Variants in PRR14 observed in about 807,000 individuals in gnomAD.
PRR14 encodes proline-rich protein 14.
Under a neutral mutation model 57.2 loss-of-function variants are expected in PRR14, and 33 were observed. The observed-to-expected ratio is 0.58, with a 90% CI of 0.44 to 0.77. The LOEUF is 0.77. Ranked by LOEUF, PRR14 falls within the 30% of genes least tolerant of loss-of-function variation. The pLI is 0.00. For missense variants in PRR14, 716 were observed against 788.1 expected, an observed-to-expected ratio of 0.91 and a Z score of 1.10; for synonymous variants, 303 against 314.7, an observed-to-expected ratio of 0.96 and a Z score of 0.39.
In PRR14 at chr16:30,656,363, A is replaced by T. The variant is rs138171553; in HGVS notation, c.*52A>T. On this transcript the variant is annotated 3_prime_UTR_variant, in exon 12 of 12. Coordinates refer to ENST00000300835, the MANE Select transcript of PRR14 (RefSeq NM_024031.5). ...TGAAGGGACAGGAAACCTCCCAGGCAGTTATTTTTTTTTCTCTATATTTCT... is the reference window on the plus strand; with the variant it reads ...TGAAGGGACAGGAAACCTCCCAGGCTGTTATTTTTTTTTCTCTATATTTCT... The T allele has an allele frequency of 1.5e-4, 226 of 1,514,126 alleles. 2 individuals are homozygous for T. The East Asian group carries it at 5.1e-3, about 34-fold the overall frequency. The allele number at this position is 1,514,126 out of a possible 1,614,324, so 93.8% of individuals were successfully genotyped here.
At position 30,655,538 on chromosome 16, in the gene PRR14, A is replaced by C; in HGVS notation, c.1351A>C (p.Thr451Pro). Residue 451 changes from threonine to proline, a missense_variant, in exon 10 of 12, where the codon ACA (threonine) becomes CCA (proline). Physicochemically the swap from Thr to Pro is conservative, Grantham distance 38. Coordinates refer to ENST00000300835, the MANE Select transcript of PRR14 (RefSeq NM_024031.5). This position sits in a 1 kb window ranked among gnomAD's most constrained non-coding sequence, Gnocchi z 4.6. The stretch of plus-strand genomic sequence containing the variant: ...GGTTTCTCGATTCAGAATACGCAGA[A>C]CACCAGCCCGTCCTCAGCTAAACCT... ...GKVSRFRIRR[T>P]PARPQLNLTP... 1 of 1,614,228 alleles carries C rather than the reference A, an allele frequency of 6.2e-7. No homozygotes were observed. Among genetic ancestry groups the C allele is most frequent in the Non-Finnish European group, 8.5e-7 (1 of 1,180,038 alleles).
intron 3 of PRR14, 150 bp downstream of exon 3, chr16:30,652,114 C>T (rs1184188704): frequency 1.1e-6 from 1 of 887,426 alleles, no homozygotes; most frequent in African/African-American, 1.7e-5. Context: ...TAGAGTCCTG[C>T]TTGGCTCCCA....
In PRR14 at chr16:30,656,392, A is replaced by G; in HGVS notation, c.*81A>G. 7.6e-7 allele frequency: 1 copy of G among 1,321,872 alleles called. No homozygotes were observed. Among genetic ancestry groups the G allele is most frequent in the African/African-American group, 1.5e-5 (1 of 67,334 alleles). The allele number at this position is 1,321,872 out of a possible 1,614,324, so 81.9% of individuals were successfully genotyped here. ...ATTTTTTTTTCTCTATATTTCTAGTAAAGTTTTCGATATGTTTCTGATTCT... is the reference window on the plus strand; with the variant it reads ...ATTTTTTTTTCTCTATATTTCTAGTGAAGTTTTCGATATGTTTCTGATTCT... On this transcript the variant is annotated 3_prime_UTR_variant, in exon 12 of 12. Transcript: ENST00000300835.
chr16:30,651,734 C>T lies in PRR14; in HGVS notation c.24-62C>T, dbSNP rs761468587. ...GAGATGGGGATCCTGGCGACCGTGC[C>T]GGGAAACTACAGAGCCAGCGACAGG... On this transcript the variant is annotated intron_variant, in intron 2 of 11. Transcript: ENST00000300835. The surrounding 1 kb of genome is among the most constrained non-coding windows in gnomAD (Gnocchi z 5.0). The T allele has an allele frequency of 5.6e-6, 9 of 1,611,628 alleles. No homozygotes were observed. Among genetic ancestry groups the T allele is most frequent in the Non-Finnish European group, 6.8e-6 (8 of 1,179,652 alleles).
chr16:30,650,860 G>A (rs564801348), upstream of PRR14: 12 of 357,368 alleles, frequency 3.4e-5, no homozygotes, highest in South Asian at 2.3e-4. Context: ...GCGGGAGTGG[G>A]GGCGGGGAAG....
rs1257553998 is a variant in PRR14, at chr16:30,655,388, A to G, written c.1282A>G (p.Lys428Glu). 1.6e-5 allele frequency: 26 copies of G among 1,613,962 alleles called. No homozygotes were observed. The highest frequency in any genetic ancestry group is 2.1e-5 in the Non-Finnish European group (25 of 1,180,042). ...STKGKEPRAS[K>E]DQVLSEPETK... is the part of the protein sequence containing the mutation. ...CAAAGGGAAGGAGCCAAGAGCCTCA[A>G]AGGACCAGGTGCTTTCAGAACCTGA... The change falls in exon 9 of 12, where the codon AAG (lysine) becomes GAG (glutamate). Residue 428 changes from lysine (K) to glutamate (E), a missense_variant. Physicochemically the swap from Lys to Glu is moderately conservative, Grantham distance 56. Coordinates refer to ENST00000300835, the MANE Select transcript of PRR14 (RefSeq NM_024031.5). The surrounding 1 kb of genome is among the most constrained non-coding windows in gnomAD (Gnocchi z 4.6).
chr16:30,651,593 CA>C lies in PRR14; in HGVS notation c.-50-2del. ...CCGCTCCCCCGCTCCCCCCTTACCC[CA>C]GGCCGCAGCCTGGGATTCCCCAGGG... On this transcript the variant is annotated splice_acceptor_variant, in intron 1 of 11. Transcript: ENST00000300835. LOFTEE classifies it low-confidence loss of function (5UTR_SPLICE). This position sits in a 1 kb window ranked among gnomAD's most constrained non-coding sequence, Gnocchi z 5.0. 1 of 1,452,774 alleles carries C rather than the reference CA, an allele frequency of 6.9e-7. No individual in the cohort carries two copies. Among genetic ancestry groups the C allele is most frequent in the Non-Finnish European group, 9.3e-7 (1 of 1,077,160 alleles). The allele number at this position is 1,452,774 out of a possible 1,614,324, so 90.0% of individuals were successfully genotyped here.
At position 30,656,401 on chromosome 16, in the gene PRR14, G is replaced by A. The variant is rs1371127925; in HGVS notation, c.*90G>A. On this transcript the variant is annotated 3_prime_UTR_variant, in exon 12 of 12. Transcript: ENST00000300835. ...TCTCTATATTTCTAGTAAAGTTTTC[G>A]ATATGTTTCTGATTCTTTTGTATCT... The A allele has an allele frequency of 8.8e-6, 11 of 1,254,172 alleles. No homozygotes were observed. Among genetic ancestry groups the A allele is most frequent in the South Asian group, 6.0e-5 (4 of 66,410 alleles). 77.7% of individuals were successfully genotyped at this position (1,254,172 alleles called of 1,614,324 possible). A position where few individuals can be genotyped will look rare whatever the true frequency, so the allele number is the denominator to read the frequency against.
In PRR14 at chr16:30,655,854, C is replaced by T; in HGVS notation, c.1407-14C>T. On this transcript the variant is annotated splice_polypyrimidine_tract_variant and intron_variant, in intron 10 of 11. Transcript: ENST00000300835. This position sits in a 1 kb window ranked among gnomAD's most constrained non-coding sequence, Gnocchi z 4.6. ...GCCCAAGGTTTCTCAGTGGCCTCTG[C>T]TCTTTGCTCACAGGTTGAACAAGAA... The T allele has an allele frequency of 6.2e-7, 1 of 1,614,038 alleles. No individual in the cohort carries two copies. Among genetic ancestry groups the T allele is most frequent in the Non-Finnish European group, 8.5e-7 (1 of 1,179,928 alleles).
chr16:30,656,106 G>C lies in PRR14; in HGVS notation c.1553G>C (p.Arg518Pro). ...ATTTTCACCAGCTCAAGGAAGCTCC[G>C]GCGGGCTGTGGAATTTCGGGACAGC... ...TLIFTSSRKL[R>P]RAVEFRDSSL... Residue 518 changes from arginine (R) to proline (P), a missense_variant, in exon 12 of 12, where the codon CGG (arginine) becomes CCG (proline). Physicochemically the swap from Arg to Pro is moderately radical, Grantham distance 103 (BLOSUM62 -2). Coordinates refer to ENST00000300835, the MANE Select transcript of PRR14 (RefSeq NM_024031.5). 1 of 1,565,152 alleles carries C rather than the reference G, an allele frequency of 6.4e-7. No individual in the cohort carries two copies. Among genetic ancestry groups the C allele is most frequent in the Non-Finnish European group, 8.6e-7 (1 of 1,157,996 alleles).
At chr16:30,654,128 C>CAAAAA in intron 6 of PRR14, 102 bp from the exon 7 acceptor site, 1 of 676,942 alleles carries the variant, frequency 1.5e-6, no homozygotes, top group African/African-American at 2.1e-5. Context: ...GGCTCTGTCT[C>CAAAAA]AAAAAAAAAA....
chr16:30,652,129 C>G (rs551009536), intron 3 of PRR14, 165 bp downstream of exon 3: 1 of 777,914 alleles, frequency 1.3e-6, no homozygotes, highest in Non-Finnish European at 2.0e-6. Flanking sequence ...CTCCCACTTA[C>G]TCCAACCTAG....
In PRR14 at chr16:30,651,522, G is replaced by C. The variant is rs989183652; in HGVS notation, c.-50-74G>C. On this transcript the variant is annotated intron_variant, in intron 1 of 11. Transcript: ENST00000300835. This position sits in a 1 kb window ranked among gnomAD's most constrained non-coding sequence, Gnocchi z 5.0. ...CGCTGGGCTACGGGGAGCCGCGGGC[G>C]GACCATGAAGGGCGGAGCCCCAGGG... The C allele has an allele frequency of 6.2e-6, 4 of 645,836 alleles. No homozygotes were observed. Among genetic ancestry groups the C allele is most frequent in the Non-Finnish European group, 9.8e-6 (4 of 409,720 alleles). The allele number at this position is 645,836 out of a possible 1,614,324, so 40.0% of individuals were successfully genotyped here.
chr16:30,655,355 G>A lies in PRR14; in HGVS notation c.1249G>A (p.Gly417Ser), dbSNP rs146260816. 3.1e-4 allele frequency: 496 copies of A among 1,613,878 alleles called. No homozygotes were observed. The highest frequency in any genetic ancestry group is 3.9e-4 in the Non-Finnish European group (459 of 1,180,020). The part of the protein sequence containing the change: ...SFSEPAEPRL[G>S]STKGKEPRAS... ...GAGCCTTGACCTTCTTGGCAGGTTG[G>A]GTTCAACCAAAGGGAAGGAGCCAAG... Residue 417 changes from glycine (G) to serine (S), a missense_variant, in exon 9 of 12, where the codon GGT becomes AGT. By Grantham distance (56) the Gly-to-Ser change is moderately conservative. Coordinates refer to ENST00000300835, the MANE Select transcript of PRR14 (RefSeq NM_024031.5). The surrounding 1 kb of genome is among the most constrained non-coding windows in gnomAD (Gnocchi z 4.6).
intron 5 of PRR14, 83 bp downstream of exon 5, chr16:30,653,186 G>A: frequency 6.8e-7 from 1 of 1,460,546 alleles, no homozygotes; most frequent in Non-Finnish European, 9.3e-7. Context: ...AGTCTTAGGT[G>A]GGTTTTTCTT....
chr16:30,653,286 C>T (rs996669135), intron 5 of PRR14, 79 bp from the exon 6 acceptor site: 36 of 1,511,920 alleles, frequency 2.4e-5, no homozygotes, highest in Non-Finnish European at 2.4e-5. Context: ...AGCAGCTATC[C>T]GGGAACTGAA....
At position 30,654,797 on chromosome 16, in the gene PRR14, CG is replaced by C; in HGVS notation, c.828del (p.Ser277ProfsTer4). The C allele has an allele frequency of 1.9e-6, 3 of 1,593,178 alleles. No homozygotes were observed. The highest frequency in any genetic ancestry group is 8.6e-7 in the Non-Finnish European group (1 of 1,166,066). ...AACAAAACCCCACAGCCCCCACCCC[CG>C]TCCCCCCCAATGAAGCTGGAGTTGA... ...TPNKTPQPPP[P>X]SPPMKLELKI... On this transcript the variant is annotated frameshift_variant, in exon 8 of 12. Coordinates refer to ENST00000300835, the MANE Select transcript of PRR14 (RefSeq NM_024031.5). LOFTEE classifies it high-confidence loss of function.
Position 30,655,785 on chromosome 16 carries a change from CTG to C in PRR14, c.1407-82_1407-81del. 1 of 1,500,800 alleles carries C rather than the reference CTG, an allele frequency of 6.7e-7. No homozygotes were observed. Among genetic ancestry groups the C allele is most frequent in the Admixed American group, 1.7e-5 (1 of 59,804 alleles). 93.0% of individuals were successfully genotyped at this position (1,500,800 alleles called of 1,614,324 possible). A position where few individuals can be genotyped will look rare whatever the true frequency, so the allele number is the denominator to read the frequency against. ...TCCTGGCCCTGACATGTCCCAGAAACTGAAATACAGACCAGGCCTTACCTGTC... is the reference window on the plus strand; with the variant it reads ...TCCTGGCCCTGACATGTCCCAGAAACAAATACAGACCAGGCCTTACCTGTC... On this transcript the variant is annotated intron_variant, in intron 10 of 11. Coordinates refer to ENST00000300835, the MANE Select transcript of PRR14 (RefSeq NM_024031.5). This position sits in a 1 kb window ranked among gnomAD's most constrained non-coding sequence, Gnocchi z 4.6.
In PRR14 at chr16:30,652,397, A is replaced by T. The variant is rs1417919086; in HGVS notation, c.193-324A>T. The T allele has an allele frequency of 1.6e-5, 9 of 567,748 alleles. 1 individual carries two copies. Among genetic ancestry groups the T allele is most frequent in the Non-Finnish European group, 2.6e-5 (8 of 305,956 alleles). 35.2% of individuals were successfully genotyped at this position (567,748 alleles called of 1,614,324 possible). Reference sequence around the variant, plus strand: ...GCTTTCTTCCCAGCCCAGCCTCCTTAGGAAGCAGGCTGAGGTCTTTGACTC... The same window carrying T: ...GCTTTCTTCCCAGCCCAGCCTCCTTTGGAAGCAGGCTGAGGTCTTTGACTC... On this transcript the variant is annotated intron_variant, in intron 3 of 11. Coordinates refer to ENST00000300835, the MANE Select transcript of PRR14 (RefSeq NM_024031.5).
Sources: allele counts gnomAD v4.1 joint callset, GRCh38; gene constraint gnomAD v4.1.1; non-coding constraint Gnocchi (gnomAD v3.1); transcripts MANE v1.5; gene names NCBI Gene and HGNC (gene_info 2026-07-23, HGNC 2026-07-21).